Variants in KMT2C observed in about 807,000 individuals in gnomAD.
The protein encoded by KMT2C is histone-lysine N-methyltransferase 2C.
Under a neutral mutation model 507.9 loss-of-function variants are expected in KMT2C, and 88 were observed. The observed-to-expected ratio is 0.17, with a 90% CI of 0.15 to 0.21. The LOEUF is 0.21. Ranked by LOEUF, KMT2C falls within the 10% of genes least tolerant of loss-of-function variation. KMT2C has a pLI of 1.00. For missense variants in KMT2C, 4,954 were observed against 5,957.8 expected (o/e 0.83, Z 5.55); for synonymous variants, 2,049 against 2,080.8 (o/e 0.98, Z 0.42).
chr7:152,248,464 G>T lies in KMT2C; in HGVS notation c.1970C>A (p.Thr657Lys), dbSNP rs1453045555. 1.9e-6 allele frequency: 3 copies of T among 1,614,076 alleles called. No individual in the cohort carries two copies. Among genetic ancestry groups the T allele is most frequent in the East Asian group, 4.5e-5 (2 of 44,872 alleles). ...TTCTTGCTGCACAGTGATCTGGTGT[G>T]TAACGACTTCAATGTTTTCTGTCAC... ...MEVTENIEVV[T>K]HQITVQQEQL... The change falls in exon 14 of 59, where the codon ACA becomes AAA. Residue 657 changes from threonine (T) to lysine (K), a missense_variant. By Grantham distance (78) the Thr-to-Lys change is moderately conservative. Transcript: ENST00000262189.
At chr7:152,179,803 T>C in intron 37 of KMT2C, 31 bp downstream of exon 37, 1 of 1,602,772 alleles carries the variant, frequency 6.2e-7, no homozygotes. Flanking sequence ...CTAATAGCAA[T>C]TTAAATTCGG....
intron 7 of KMT2C, among the ~76,000 whole-genome samples, chr7:152,269,124 A>G (rs942691698): frequency 6.6e-6 from 1 of 152,240 alleles, no homozygotes; most frequent in African/African-American, 2.4e-5. Flanking sequence ...ACTGTTATAC[A>G]CAACAAAGTT....
intron 9 of KMT2C, among the ~76,000 whole-genome samples, chr7:152,255,157 A>ATG (rs112731121): frequency 0.024 from 3,023 of 128,178 alleles, 55 homozygotes; most frequent in African/African-American, 0.045. Context: ...ATATATATAT[A>ATG]TGTGTGTGTG....
chr7:152,219,865 T>C (rs2094710680), intron 23 of KMT2C, among the ~76,000 whole-genome samples: 1 of 151,896 alleles, frequency 6.6e-6, no homozygotes, highest in South Asian at 2.1e-4. Context: ...TAGCCAGGCG[T>C]GGTGGCCCGC....
At chr7:152,200,076 A>G (rs548717153) in intron 26 of KMT2C, among the ~76,000 whole-genome samples, 80 of 152,338 alleles carry the variant, frequency 5.3e-4, no homozygotes, top group African/African-American at 1.8e-3. Context: ...TACCAAAGAC[A>G]AAAGGGAAGC....
chr7:152,359,647 C>T (rs188129884), intron 1 of KMT2C, among the ~76,000 whole-genome samples: 41 of 150,528 alleles, frequency 2.7e-4, no homozygotes, highest in Non-Finnish European at 5.2e-4. Context: ...TGGTGGCGTG[C>T]CAGTAATTCC....
intron 39 of KMT2C, among the ~76,000 whole-genome samples, chr7:152,173,505 G>A (rs1339950956): frequency 6.6e-6 from 1 of 152,132 alleles, no homozygotes; most frequent in African/African-American, 2.4e-5. Context: ...TAATTCTCAT[G>A]GTGGTCCATG....
At chr7:152,412,058 T>G (rs2097689956) in intron 1 of KMT2C, among the ~76,000 whole-genome samples, 1 of 152,290 alleles carries the variant, frequency 6.6e-6, no homozygotes, top group Non-Finnish European at 1.5e-5. Flanking sequence ...CAGAGCCTAT[T>G]TTCTTCCATT....
At chr7:152,161,577 T>C (rs529203664) in intron 43 of KMT2C, among the ~76,000 whole-genome samples, 1 of 152,126 alleles carries the variant, frequency 6.6e-6, no homozygotes, top group East Asian at 1.9e-4. Flanking sequence ...AAAAAGCAAA[T>C]TAAATGTTAA....
chr7:152,147,720 A>G (rs2091264528), intron 52 of KMT2C, among the ~76,000 whole-genome samples: 1 of 146,898 alleles, frequency 6.8e-6, no homozygotes, highest in Non-Finnish European at 1.5e-5. Flanking sequence ...AAAAAAAAAA[A>G]AAAAAAAAGA....
chr7:152,315,809 C>A (rs2096717643), intron 3 of KMT2C, among the ~76,000 whole-genome samples: 1 of 151,998 alleles, frequency 6.6e-6, no homozygotes, highest in South Asian at 2.1e-4. Flanking sequence ...CCCAGCTACT[C>A]GGGTGGCTGA....
chr7:152,343,450 G>GAAAAAAAAAAAAAAAAAAA (rs200886066), intron 2 of KMT2C, among the ~76,000 whole-genome samples: 1 of 72,460 alleles, frequency 1.4e-5, no homozygotes. Flanking sequence ...AAAAGACTGG[G>GAAAAAAAAAAAAAAAAAAA]AAAAAAAAAA....
At chr7:152,309,686 A>C (rs2129199093) in intron 6 of KMT2C, among the ~76,000 whole-genome samples, 1 of 151,624 alleles carries the variant, frequency 6.6e-6, no homozygotes, top group African/African-American at 2.4e-5. Context: ...ATGCCCAGCT[A>C]ATTTTTGTAT....
Position 152,177,089 on chromosome 7 carries a change from C to T in KMT2C, c.8364G>A (p.Gln2788=), listed in dbSNP as rs551613061. Residue 2788 remains glutamine, a synonymous_variant, in exon 38 of 59, where the codon CAG becomes CAA. Transcript: ENST00000262189. Reference sequence around the variant, plus strand: ...TTTTTTTTGGTTCAACAGATACACACTGATTATCTAACTTATCATCAATTG... The same window carrying T: ...TTTTTTTTGGTTCAACAGATACACATTGATTATCTAACTTATCATCAATTG... ...DLPIDDKLDN[Q]CVSVEPKKKE... is the part of the protein sequence containing the mutation. The T allele has an allele frequency of 1.2e-6, 2 of 1,612,578 alleles. No individual in the cohort carries two copies. Among genetic ancestry groups the T allele is most frequent in the South Asian group, 1.1e-5 (1 of 90,950 alleles).
At chr7:152,262,618 A>T (rs181550386) in intron 9 of KMT2C, among the ~76,000 whole-genome samples, 1 of 152,382 alleles carries the variant, frequency 6.6e-6, no homozygotes, top group Admixed American at 6.5e-5. Flanking sequence ...AATAAAAAAG[A>T]ATCACTACTG....
At chr7:152,423,586 T>C (rs1009128795) in intron 1 of KMT2C, among the ~76,000 whole-genome samples, 2 of 152,184 alleles carry the variant, frequency 1.3e-5, no homozygotes, top group African/African-American at 4.8e-5. Flanking sequence ...TCTGAGAAGT[T>C]AGATAAAGGG....
intron 6 of KMT2C, among the ~76,000 whole-genome samples, chr7:152,302,739 T>G (rs2096580892): frequency 6.6e-6 from 1 of 151,868 alleles, no homozygotes; most frequent in Admixed American, 6.6e-5. Flanking sequence ...CCTCCTGGGT[T>G]CAAGAAATTC....
At chr7:152,380,573 G>GAA (rs36092195) in intron 1 of KMT2C, among the ~76,000 whole-genome samples, 6 of 80,736 alleles carry the variant, frequency 7.4e-5, no homozygotes, top group Non-Finnish European at 1.1e-4. Context: ...TGTCTCAAAA[G>GAA]AAAAAAAAAA....
At chr7:152,143,411 C>G (rs2090795553) in intron 55 of KMT2C, among the ~76,000 whole-genome samples, 1 of 152,196 alleles carries the variant, frequency 6.6e-6, no homozygotes, top group Admixed American at 6.5e-5. Context: ...GGATATAAGA[C>G]AGAAATTACT....
Sources: gnomAD v4.1 joint callset for allele counts (sites outside exome capture counted in the v4.1 genomes callset) on GRCh38, gnomAD v4.1.1 for gene constraint, MANE v1.5 for transcripts, NCBI Gene and HGNC (gene_info 2026-07-23, HGNC 2026-07-21) for gene names.